Variants in PEX3 observed in about 807,000 individuals in gnomAD.
PEX3 encodes peroxisomal biogenesis factor 3.
PEX3 carries 30 observed loss-of-function variants against 55.8 expected under a neutral mutation model. That is an observed-to-expected ratio of 0.54 (90% CI 0.40 to 0.73). PEX3 has a LOEUF of 0.73. Ranked by LOEUF, PEX3 falls within the 30% of genes least tolerant of loss-of-function variation. The pLI is 0.00. For missense variants in PEX3, 351 were observed against 432.8 expected (o/e 0.81, Z 1.68); for synonymous variants, 135 against 148.4 (o/e 0.91, Z 0.66).
intron 8 of PEX3, among the ~76,000 whole-genome samples, chr6:143,472,763 G>A (rs906753215): frequency 2.0e-5 from 3 of 152,112 alleles, no homozygotes; most frequent in African/African-American, 7.2e-5. Context: ...CCAATTTGTA[G>A]ACAAAGAAAG....
Position 143,479,288 on chromosome 6 carries a change from C to A in PEX3, c.941+90C>A. 1 of 1,038,862 alleles carries A rather than the reference C, an allele frequency of 9.6e-7. No individual in the cohort carries two copies. Among genetic ancestry groups the A allele is most frequent in the Non-Finnish European group, 1.5e-6 (1 of 668,606 alleles). The allele number at this position is 1,038,862 out of a possible 1,614,324, so 64.4% of individuals were successfully genotyped here. ...TTTTGTTCCAGATAACAACAACAAACCTATTAAATTTGAGTGCCTCATTTT... is the reference window on the plus strand; with the variant it reads ...TTTTGTTCCAGATAACAACAACAAAACTATTAAATTTGAGTGCCTCATTTT... On this transcript the variant is annotated intron_variant, in intron 10 of 11. Transcript: ENST00000367591. This position sits in a 1 kb window ranked among gnomAD's most constrained non-coding sequence, Gnocchi z 4.6.
At position 143,459,252 on chromosome 6, in the gene PEX3, G is replaced by A; in HGVS notation, c.205+36G>A. ...GAAATATTTATACATGTGTAAAGTT[G>A]TTTGACGGTTGTATTAATTTGCATA... is the stretch of plus-strand genomic sequence containing the variant. On this transcript the variant is annotated intron_variant, in intron 2 of 11. Coordinates refer to ENST00000367591, the MANE Select transcript of PEX3 (RefSeq NM_003630.3). The surrounding 1 kb of genome is among the most constrained non-coding windows in gnomAD (Gnocchi z 4.2). The A allele has an allele frequency of 6.3e-7, 1 of 1,583,006 alleles. No individual in the cohort carries two copies. The highest frequency in any genetic ancestry group is 8.7e-7 in the Non-Finnish European group (1 of 1,152,794).
Position 143,453,672 on chromosome 6 carries a change from A to C in PEX3, c.73+2557A>C, listed in dbSNP as rs2128745062. ...TGCCTGACATCTTCACACTTTCCTCACTCATGCGATCCTCTCACCTCAGCC... is the reference window on the plus strand; with the variant it reads ...TGCCTGACATCTTCACACTTTCCTCCCTCATGCGATCCTCTCACCTCAGCC... On this transcript the variant is annotated intron_variant, in intron 1 of 11. Coordinates refer to ENST00000367591, the MANE Select transcript of PEX3 (RefSeq NM_003630.3). The surrounding 1 kb of genome is among the most constrained non-coding windows in gnomAD (Gnocchi z 4.6). 6.6e-6 allele frequency among the ~76,000 whole-genome samples: 1 copy of C among 151,828 alleles called. No homozygotes were observed. The highest frequency in any genetic ancestry group is 6.6e-5 in the Admixed American group (1 of 15,260).
intron 4 of PEX3, among the ~76,000 whole-genome samples, chr6:143,469,872 T>C (rs1422893866): frequency 1.3e-5 from 2 of 152,162 alleles, no homozygotes; most frequent in African/African-American, 4.8e-5. Context: ...GAGAAAGGGA[T>C]CCAATTTCAG....
chr6:143,465,453 G>T lies in PEX3; in HGVS notation c.287+2456G>T, dbSNP rs1562652977. On this transcript the variant is annotated intron_variant, in intron 3 of 11. Transcript: ENST00000367591. This position sits in a 1 kb window ranked among gnomAD's most constrained non-coding sequence, Gnocchi z 4.7. Reference sequence around the variant, plus strand: ...TGGTTTTGGTTTTTTTTTAGATAGAGTCTTACTCTGTCGCCCAAGCTGGAG... The same window carrying T: ...TGGTTTTGGTTTTTTTTTAGATAGATTCTTACTCTGTCGCCCAAGCTGGAG... Among the ~76,000 whole-genome samples, 1 of 151,794 alleles carries T rather than the reference G, an allele frequency of 6.6e-6. No individual in the cohort carries two copies. The highest frequency in any genetic ancestry group is 1.5e-5 in the Non-Finnish European group (1 of 67,852).
chr6:143,459,085 G>A lies in PEX3; in HGVS notation c.74G>A (p.Gly25Glu), dbSNP rs1411756701. The change falls in exon 2 of 12, where the codon GGA (glycine) becomes GAA (glutamate). Residue 25 changes from glycine to glutamate, a missense_variant and splice_region_variant. By Grantham distance (98) the Gly-to-Glu change is moderately conservative. Coordinates refer to ENST00000367591, the MANE Select transcript of PEX3 (RefSeq NM_003630.3). The surrounding 1 kb of genome is among the most constrained non-coding windows in gnomAD (Gnocchi z 4.2). The part of the protein sequence containing the change: ...KCIFLGTVLG[G>E]VYILGKYGQK... ...TATAGTACTTTTTTAATGATTGTAGGAGTATATATTCTGGGGAAATATGGA... is the reference window on the plus strand; with the variant it reads ...TATAGTACTTTTTTAATGATTGTAGAAGTATATATTCTGGGGAAATATGGA... 1.3e-6 allele frequency: 2 copies of A among 1,578,286 alleles called. No individual in the cohort carries two copies. Among genetic ancestry groups the A allele is most frequent in the Admixed American group, 1.7e-5 (1 of 59,940 alleles).
chr6:143,461,939 T>G (rs1271845831), intron 2 of PEX3, among the ~76,000 whole-genome samples: 1 of 152,166 alleles, frequency 6.6e-6, no homozygotes. Flanking sequence ...CAGTGTGAGA[T>G]TCTGTCTCAA....
intron 1 of PEX3, among the ~76,000 whole-genome samples, chr6:143,457,210 A>G (rs1161261382): frequency 2.0e-5 from 3 of 152,252 alleles, no homozygotes; most frequent in African/African-American, 7.2e-5. Flanking sequence ...CAGATCTATT[A>G]TGTCAGAATT....
At position 143,461,730 on chromosome 6, in the gene PEX3, A is replaced by G. The variant is rs60923697; in HGVS notation, c.206-1186A>G. ...GGGAGGCAAAGGTGGGAGGATTGCT[A>G]GAGCCCAGGAGTTCAAGACAAGCTT... On this transcript the variant is annotated intron_variant, in intron 2 of 11. Coordinates refer to ENST00000367591, the MANE Select transcript of PEX3 (RefSeq NM_003630.3). 3.5e-3 allele frequency among the ~76,000 whole-genome samples: 540 copies of G among 152,238 alleles called. 17 individuals are homozygous for G. In the East Asian group the frequency reaches 0.077, roughly 22 times the overall value.
rs550232250 is a variant in PEX3, at chr6:143,458,301, C to T, written c.74-784C>T. Among the ~76,000 whole-genome samples the T allele has an allele frequency of 1.4e-4, 21 of 152,120 alleles. No individual in the cohort carries two copies. Among genetic ancestry groups the T allele is most frequent in the Non-Finnish European group, 2.9e-4 (20 of 68,006 alleles). ...CACATGACACCACCTATATTCTTAT[C>T]CTGTGGTGTTAGAATTTAGGAGTTT... On this transcript the variant is annotated intron_variant, in intron 1 of 11. Transcript: ENST00000367591. The surrounding 1 kb of genome is among the most constrained non-coding windows in gnomAD (Gnocchi z 6.1).
At position 143,466,864 on chromosome 6, in the gene PEX3, A is replaced by C. The variant is rs1042295886; in HGVS notation, c.288-1258A>C. 7.2e-5 allele frequency among the ~76,000 whole-genome samples: 11 copies of C among 152,050 alleles called. No individual in the cohort carries two copies. Among genetic ancestry groups the C allele is most frequent in the African/African-American group, 2.4e-4 (10 of 41,432 alleles). On this transcript the variant is annotated intron_variant, in intron 3 of 11. Transcript: ENST00000367591. This position sits in a 1 kb window ranked among gnomAD's most constrained non-coding sequence, Gnocchi z 5.4. ...CATCTATGAAGAAGGGAGAAAATGA[A>C]GGGGGTTAGGAACAGACTTTTTTGA... is the stretch of plus-strand genomic sequence containing the variant.
Position 143,474,769 on chromosome 6 carries a change from A to G in PEX3, c.748-17A>G. The G allele has an allele frequency of 7.1e-7, 1 of 1,407,466 alleles. No individual in the cohort carries two copies. Among genetic ancestry groups the G allele is most frequent in the South Asian group, 1.2e-5 (1 of 86,878 alleles). The allele number at this position is 1,407,466 out of a possible 1,614,324, so 87.2% of individuals were successfully genotyped here. On this transcript the variant is annotated splice_polypyrimidine_tract_variant and intron_variant, in intron 8 of 11. Coordinates refer to ENST00000367591, the MANE Select transcript of PEX3 (RefSeq NM_003630.3). ...CTAATGTTTGAAAACCTTAAGTGTG[A>G]CATTTTAATTCTATAGGCCTGTGGA...
At position 143,481,596 on chromosome 6, in the gene PEX3, C is replaced by T. The variant is rs1399068545; in HGVS notation, c.941+2398C>T. Among the ~76,000 whole-genome samples the T allele has an allele frequency of 4.6e-5, 7 of 151,850 alleles. No homozygotes were observed. The East Asian group carries it at 1.4e-3, about 29-fold the overall frequency. Reference sequence around the variant, plus strand: ...AACTAGAAAAGCTATTTTGGTAATCCATAACATTAATAAGCTAATAAGATA... The same window carrying T: ...AACTAGAAAAGCTATTTTGGTAATCTATAACATTAATAAGCTAATAAGATA... On this transcript the variant is annotated intron_variant, in intron 10 of 11. Coordinates refer to ENST00000367591, the MANE Select transcript of PEX3 (RefSeq NM_003630.3).
At chr6:143,456,910 C>G (rs778147573) in intron 1 of PEX3, among the ~76,000 whole-genome samples, 15 of 152,086 alleles carry the variant, frequency 9.9e-5, no homozygotes, top group Admixed American at 2.0e-4. Context: ...AACTGACTTC[C>G]CCTCAGATAT....
chr6:143,468,737 G>C lies in PEX3; in HGVS notation c.331+572G>C, dbSNP rs1391844769. Among the ~76,000 whole-genome samples the C allele has an allele frequency of 2.0e-5, 3 of 150,260 alleles. No individual in the cohort carries two copies. The Admixed American group carries it at 2.0e-4, about 10-fold the overall frequency. On this transcript the variant is annotated intron_variant, in intron 4 of 11. Transcript: ENST00000367591. ...GCAGGTTTGTTACATATGTATACAT[G>C]TGCCATGTTGGTGTGCTGCACCCAT... is the stretch of plus-strand genomic sequence containing the variant.
rs1261730294 is a variant in PEX3 at position 143,462,596 on chromosome 6, A to G, written c.206-320A>G. 6.6e-6 allele frequency among the ~76,000 whole-genome samples: 1 copy of G among 152,182 alleles called. No homozygotes were observed. Among genetic ancestry groups the G allele is most frequent in the Non-Finnish European group, 1.5e-5 (1 of 68,030 alleles). ...AGAGTATGGAAAAGAAAAAAAAGGA[A>G]TTGTTCATAATCCATAGCTCAAAGA... On this transcript the variant is annotated intron_variant, in intron 2 of 11. Coordinates refer to ENST00000367591, the MANE Select transcript of PEX3 (RefSeq NM_003630.3). The surrounding 1 kb of genome is among the most constrained non-coding windows in gnomAD (Gnocchi z 4.1).
rs372228244 is a variant in PEX3, at chr6:143,451,162, G to T, written c.73+47G>T. Reference sequence around the variant, plus strand: ...AGGGGGCATTGGGAGAAGGGGGTGGGAGAGGTGACTTCTTCTAAAATAAGG... The same window carrying T: ...AGGGGGCATTGGGAGAAGGGGGTGGTAGAGGTGACTTCTTCTAAAATAAGG... On this transcript the variant is annotated intron_variant, in intron 1 of 11. Coordinates refer to ENST00000367591, the MANE Select transcript of PEX3 (RefSeq NM_003630.3). The surrounding 1 kb of genome is among the most constrained non-coding windows in gnomAD (Gnocchi z 4.1). The T allele has an allele frequency of 2.3e-6, 3 of 1,298,454 alleles. No individual in the cohort carries two copies. The highest frequency in any genetic ancestry group is 1.4e-5 in the African/African-American group (1 of 69,128). The allele number at this position is 1,298,454 out of a possible 1,614,324, so 80.4% of individuals were successfully genotyped here. A position where few individuals can be genotyped will look rare whatever the true frequency, so the allele number is the denominator to read the frequency against.
In PEX3 at chr6:143,487,161, A is replaced by G. The variant is rs1177125060; in HGVS notation, c.1038+1913A>G. Among the ~76,000 whole-genome samples, 1 of 152,218 alleles carries G rather than the reference A, an allele frequency of 6.6e-6. No individual in the cohort carries two copies. Among genetic ancestry groups the G allele is most frequent in the East Asian group, 1.9e-4 (1 of 5,202 alleles). ...TTATTTCAGATTGCTTTCAGATAAC[A>G]TAAGGAAAGAGCTTTTATAGTGTGA... On this transcript the variant is annotated intron_variant, in intron 11 of 11. Transcript: ENST00000367591. The surrounding 1 kb of genome is among the most constrained non-coding windows in gnomAD (Gnocchi z 5.3).
Position 143,465,875 on chromosome 6 carries a change from C to T in PEX3, c.288-2247C>T, listed in dbSNP as rs976774821. ...AGTATCTTTAAAATTGTAATAGTAA[C>T]TCAATTTCTTGTTGGAATGCAAATT... On this transcript the variant is annotated intron_variant, in intron 3 of 11. Transcript: ENST00000367591. The surrounding 1 kb of genome is among the most constrained non-coding windows in gnomAD (Gnocchi z 4.7). Among the ~76,000 whole-genome samples the T allele has an allele frequency of 3.9e-5, 6 of 152,010 alleles. No homozygotes were observed. Among genetic ancestry groups the T allele is most frequent in the Non-Finnish European group, 4.4e-5 (3 of 67,910 alleles).
Sources: allele counts gnomAD v4.1 joint callset (sites outside exome capture counted in the v4.1 genomes callset), GRCh38; gene constraint gnomAD v4.1.1; non-coding constraint Gnocchi (gnomAD v3.1); transcripts MANE v1.5; gene names NCBI Gene and HGNC (gene_info 2026-07-23, HGNC 2026-07-21).